The following CLMN variants were observed in gnomAD, a reference collection of about 807,000 sequenced individuals.
CLMN encodes the protein calmin (calponin-like, transmembrane).
A neutral mutation model predicts 92.7 loss-of-function variants in CLMN; 57 were observed. That is an observed-to-expected ratio of 0.61 (90% confidence interval 0.50 to 0.77). CLMN has a LOEUF of 0.77. CLMN is among the 30% of genes least tolerant of loss of function. The pLI is 0.00. For missense variants in CLMN, 1,158 were observed against 1,237.5 expected (o/e 0.94, Z 0.96); for synonymous variants, 466 against 470.6 (o/e 0.99, Z 0.13).
intron 1 of CLMN, among the ~76,000 whole-genome samples, chr14:95,264,008 C>CTTTATTTA (rs34763756): frequency 0.013 from 1,819 of 143,850 alleles, 21 homozygotes; most frequent in Middle Eastern, 0.024. Flanking sequence ...CACCTTATTA[C>CTTTATTTA]TTTATTTATT....
chr14:95,224,702 C>G (rs939769237), intron 2 of CLMN, among the ~76,000 whole-genome samples: 1 of 151,092 alleles, frequency 6.6e-6, no homozygotes, highest in Non-Finnish European at 1.5e-5. Flanking sequence ...AAGGGCTGAA[C>G]GCAAGTGTAC....
chr14:95,186,809 C>T lies in CLMN; in HGVS notation c.*4755G>A, dbSNP rs1437022472. The T allele has an allele frequency of 2.0e-5, 3 of 152,298 alleles. No individual in the cohort carries two copies. The highest frequency in any genetic ancestry group is 1.3e-4 in the Admixed American group (2 of 15,280). 9.4% of individuals were successfully genotyped at this position (152,298 alleles called of 1,614,324 possible). A position where few individuals can be genotyped will look rare whatever the true frequency, so the allele number is the denominator to read the frequency against. On this transcript the variant is annotated 3_prime_UTR_variant, in exon 13 of 13. Coordinates refer to ENST00000298912, the MANE Select transcript of CLMN (RefSeq NM_024734.4). ...TTCCTGGCCTCAAGCGATCCTCCTG[C>T]CTTGGCCTCCCAAAGGGCTGGGATT...
intron 1 of CLMN, among the ~76,000 whole-genome samples, chr14:95,268,491 G>C (rs10151783): frequency 0.013 from 1,959 of 152,180 alleles, 42 homozygotes; most frequent in African/African-American, 0.044. Flanking sequence ...GTTGCTGGGG[G>C]TAGTGACTGA....
In CLMN at chr14:95,188,699, C is replaced by T. The variant is rs910590825; in HGVS notation, c.*2865G>A. The T allele has an allele frequency of 6.6e-6, 1 of 151,696 alleles. No individual in the cohort carries two copies. Among genetic ancestry groups the T allele is most frequent in the African/African-American group, 2.4e-5 (1 of 41,274 alleles). 9.4% of individuals were successfully genotyped at this position (151,696 alleles called of 1,614,324 possible). ...AACACCATCATGACAGTTCAGAACACCAAGAATAAAGAGATCTTAAATGTT... is the reference window on the plus strand; with the variant it reads ...AACACCATCATGACAGTTCAGAACATCAAGAATAAAGAGATCTTAAATGTT... On this transcript the variant is annotated 3_prime_UTR_variant, in exon 13 of 13. Coordinates refer to ENST00000298912, the MANE Select transcript of CLMN (RefSeq NM_024734.4).
chr14:95,296,242 G>A (rs1900804678), intron 1 of CLMN: 1 of 152,210 alleles, frequency 6.6e-6, no homozygotes, highest in South Asian at 2.1e-4. Flanking sequence ...AGAGGAAGGG[G>A]GCTGGACTTA....
rs563379213 is a variant in CLMN at position 95,219,006 on chromosome 14, C to T, written c.324+2685G>A. Among the ~76,000 whole-genome samples, 108 of 152,340 alleles carry T rather than the reference C, an allele frequency of 7.1e-4. 1 individual carries two copies. Among genetic ancestry groups the T allele is most frequent in the African/African-American group, 2.4e-3 (100 of 41,582 alleles). ...TTTTTGCCTCTGCAGGATCATCCCC[C>T]ATCTTCATGCCCCTGGGGTGACATA... On this transcript the variant is annotated intron_variant, in intron 4 of 12. Transcript: ENST00000298912.
At chr14:95,199,946 C>A (rs2140567883) in intron 9 of CLMN, among the ~76,000 whole-genome samples, 1 of 152,044 alleles carries the variant, frequency 6.6e-6, no homozygotes, top group Non-Finnish European at 1.5e-5. Context: ...GGAGTTCATG[C>A]TAAGACATTT....
intron 1 of CLMN, among the ~76,000 whole-genome samples, chr14:95,253,212 T>C (rs1369050190): frequency 1.6e-4 from 24 of 152,228 alleles, no homozygotes; most frequent in Admixed American, 1.6e-3. Context: ...AGGAAGCTTC[T>C]GCCTGCACGA....
At chr14:95,225,712 G>C (rs1419811660) in intron 2 of CLMN, among the ~76,000 whole-genome samples, 1 of 152,194 alleles carries the variant, frequency 6.6e-6, no homozygotes, top group Non-Finnish European at 1.5e-5. Context: ...CCCAGCCTCA[G>C]TTCCCGTAGA....
chr14:95,234,656 C>T (rs1478213658), intron 1 of CLMN, among the ~76,000 whole-genome samples: 1 of 152,200 alleles, frequency 6.6e-6, no homozygotes, highest in African/African-American at 2.4e-5. Context: ...GGAGCAGAAA[C>T]TGGCCAGGCC....
At chr14:95,315,494 G>C (rs911793297) in intron 1 of CLMN, among the ~76,000 whole-genome samples, 1 of 152,182 alleles carries the variant, frequency 6.6e-6, no homozygotes, top group African/African-American at 2.4e-5. Flanking sequence ...GTCCAAGTTC[G>C]CATGAGGGAC....
At chr14:95,254,644 T>A (rs907479676) in intron 1 of CLMN, among the ~76,000 whole-genome samples, 1 of 152,182 alleles carries the variant, frequency 6.6e-6, no homozygotes, top group South Asian at 2.1e-4. Context: ...ACAATCCAGA[T>A]GTTCAAGTCC....
At chr14:95,210,656 TA>T (rs1897170886) in intron 7 of CLMN, 29 bp downstream of exon 7, 1 of 1,589,342 alleles carries the variant, frequency 6.3e-7, no homozygotes, top group Non-Finnish European at 8.5e-7. Context: ...AAAAAAAAAT[TA>T]TTAGAAAGAA....
At chr14:95,226,350 G>A (rs1197889582) in intron 2 of CLMN, among the ~76,000 whole-genome samples, 1 of 151,960 alleles carries the variant, frequency 6.6e-6, no homozygotes, top group Non-Finnish European at 1.5e-5. Context: ...AAGCAACTCT[G>A]TACTTGTTTA....
intron 1 of CLMN, among the ~76,000 whole-genome samples, chr14:95,268,937 G>A (rs1187447880): frequency 1.3e-5 from 2 of 151,478 alleles, no homozygotes; most frequent in Non-Finnish European, 2.9e-5. Context: ...CCGAGTAGCT[G>A]GGACTACAGG....
chr14:95,213,495 T>G, intron 5 of CLMN, 86 bp from the exon 6 acceptor site: 3 of 1,254,466 alleles, frequency 2.4e-6, no homozygotes, highest in Non-Finnish European at 3.3e-6. Context: ...ATATGGACCA[T>G]GGCTGGAGGG....
At chr14:95,258,275 GGGCGTGTGTGT>G (rs1899088085) in intron 1 of CLMN, among the ~76,000 whole-genome samples, 1 of 150,570 alleles carries the variant, frequency 6.6e-6, no homozygotes, top group Non-Finnish European at 1.5e-5. Flanking sequence ...TGACATGTGG[GGGCGTGTGTGT>G]GGTGTGTGTG....
In CLMN at chr14:95,202,694, G is replaced by A. The variant is rs370999844; in HGVS notation, c.2511+144C>T. ...TGCATTTGCCCGAGCCTCACAGTAG[G>A]TGCCTCTTTGAATTTTGCACCATAG... On this transcript the variant is annotated intron_variant, in intron 9 of 12. Coordinates refer to ENST00000298912, the MANE Select transcript of CLMN (RefSeq NM_024734.4). 54 of 849,992 alleles carry A rather than the reference G, an allele frequency of 6.4e-5. No homozygotes were observed. In the East Asian group the frequency reaches 7.0e-4, roughly 11 times the overall value. 52.7% of individuals were successfully genotyped at this position (849,992 alleles called of 1,614,324 possible). A position where few individuals can be genotyped will look rare whatever the true frequency, so the allele number is the denominator to read the frequency against.
At chr14:95,271,100 T>G (rs962982866) in intron 1 of CLMN, among the ~76,000 whole-genome samples, 1 of 152,234 alleles carries the variant, frequency 6.6e-6, no homozygotes, top group Non-Finnish European at 1.5e-5. Flanking sequence ...TGGTAATTCG[T>G]GTATCTTCTA....
Sources: gnomAD v4.1 joint callset for allele counts (sites outside exome capture counted in the v4.1 genomes callset) on GRCh38, gnomAD v4.1.1 for gene constraint, MANE v1.5 for transcripts, NCBI Gene and HGNC (gene_info 2026-07-23, HGNC 2026-07-21) for gene names.